SRGAP2: variants seen among roughly 807,000 people sequenced by gnomAD.
SRGAP2 encodes the protein SLIT-ROBO Rho GTPase activating protein 2.
In SRGAP2, 15 loss-of-function variants were observed where a neutral mutation model predicts 57.2. The observed-to-expected ratio is 0.26, with a 90% CI of 0.18 to 0.40. The LOEUF (loss-of-function observed/expected upper bound fraction) is 0.40. Among genes scored for constraint, SRGAP2 ranks in the 10% least tolerant of loss-of-function variants. SRGAP2 has a pLI of 1.00. For synonymous variants in SRGAP2, 249 were observed against 248.0 expected (o/e 1.00, Z -0.04); for missense variants, 520 against 669.6 (o/e 0.78, Z 2.47).
chr1:206,446,856 G>T (rs1483830029), intron 18 of SRGAP2, among the ~76,000 whole-genome samples: 1 of 152,198 alleles, frequency 6.6e-6, no homozygotes, highest in Admixed American at 6.5e-5. Context: ...ATTCCATTCT[G>T]TGGGGCCAGG....
chr1:206,231,391 T>A (rs1667629437), intron 2 of SRGAP2, among the ~76,000 whole-genome samples: 1 of 149,368 alleles, frequency 6.7e-6, no homozygotes, highest in Non-Finnish European at 1.5e-5. Context: ...CTAAGACTAC[T>A]AGATGCCAGT....
chr1:206,229,931 T>TACACACACACACACACACACAC (rs66901207), intron 2 of SRGAP2, among the ~76,000 whole-genome samples: 13 of 141,762 alleles, frequency 9.2e-5, no homozygotes, highest in African/African-American at 3.2e-4. Context: ...TACACATACA[T>TACACACACACACACACACACAC]ACACACACAC....
intron 2 of SRGAP2, among the ~76,000 whole-genome samples, chr1:206,222,575 C>CTA (rs1278402777): frequency 2.8e-5 from 4 of 141,324 alleles, no homozygotes; most frequent in African/African-American, 1.1e-4. Context: ...TGATGTGTAC[C>CTA]TATAGTCCCA....
At chr1:206,457,998 G>A (rs1663974943) in intron 21 of SRGAP2, among the ~76,000 whole-genome samples, 1 of 152,180 alleles carries the variant, frequency 6.6e-6, no homozygotes, top group Admixed American at 6.5e-5. Context: ...CAGATCCAGG[G>A]TTCAGCCCAG....
At position 206,372,775 on chromosome 1, in the gene SRGAP2, GTTGC is replaced by G. The variant is rs1288309943; in HGVS notation, c.424-11235_424-11232del. Among the ~76,000 whole-genome samples, 3 of 75,894 alleles carry G rather than the reference GTTGC, an allele frequency of 4.0e-5. No individual in the cohort carries two copies. The East Asian group carries it at 1.2e-3, about 31-fold the overall frequency. The allele number at this position is 75,894 out of a possible 152,430, so 49.8% of individuals were successfully genotyped here. On this transcript the variant is annotated intron_variant, in intron 4 of 22. Transcript: ENST00000573034. Reference sequence around the variant, plus strand: ...TTTAAAAAGCAAAACTAGAGTGTATGTTGCTTGTAAGAGAACAGATACACTTTAA... The same window carrying G: ...TTTAAAAAGCAAAACTAGAGTGTATGTTGTAAGAGAACAGATACACTTTAA...
intron 4 of SRGAP2, among the ~76,000 whole-genome samples, chr1:206,373,917 C>T (rs1654957640): frequency 6.6e-6 from 1 of 151,180 alleles, no homozygotes; most frequent in African/African-American, 2.4e-5. Flanking sequence ...AACAACTAGA[C>T]CAAAAAAGTC....
At chr1:206,453,974 G>A in intron 20 of SRGAP2, 1 of 618,226 alleles carries the variant, frequency 1.6e-6, no homozygotes, top group Non-Finnish European at 2.9e-6. Context: ...GTCCCAGAGA[G>A]ATCTCATCTG....
intron 3 of SRGAP2, among the ~76,000 whole-genome samples, chr1:206,314,097 TTTTTTTTG>T (rs1183833818): frequency 4.7e-5 from 6 of 126,452 alleles, no homozygotes; most frequent in African/African-American, 9.8e-5. Flanking sequence ...GGCTTTTTTG[TTTTTTTTG>T]TTTTTTTTTT....
chr1:206,210,403 C>CTTTTT (rs71568077), intron 2 of SRGAP2, among the ~76,000 whole-genome samples: 46 of 31,762 alleles, frequency 1.4e-3, no homozygotes, highest in Non-Finnish European at 2.2e-3. Flanking sequence ...GGGGTCTTGT[C>CTTTTT]TTTTTTTTTT....
At position 206,461,716 on chromosome 1, in the gene SRGAP2, G is replaced by C. The variant is rs567780448; in HGVS notation, c.*296G>C. ...TCAGGTCACTGTGAAATCTGGTAAG[G>C]CAGTCCTGAGGACATGGGCTCAAGT... is the stretch of plus-strand genomic sequence containing the variant. On this transcript the variant is annotated 3_prime_UTR_variant, in exon 23 of 23. Transcript: ENST00000573034. 3.0e-6 allele frequency: 1 copy of C among 337,150 alleles called. No homozygotes were observed. The highest frequency in any genetic ancestry group is 2.1e-5 in the African/African-American group (1 of 47,926). The allele number at this position is 337,150 out of a possible 1,614,324, so 20.9% of individuals were successfully genotyped here. A position where few individuals can be genotyped will look rare whatever the true frequency, so the allele number is the denominator to read the frequency against.
intron 2 of SRGAP2, among the ~76,000 whole-genome samples, chr1:206,289,853 A>G (rs1173677975): frequency 1.3e-5 from 2 of 152,056 alleles, no homozygotes; most frequent in African/African-American, 4.8e-5. Flanking sequence ...AGTTGCATAC[A>G]TAGGAAGTGC....
intron 2 of SRGAP2, among the ~76,000 whole-genome samples, chr1:206,268,081 A>ATATATT (rs1182456996): frequency 2.1e-5 from 3 of 145,238 alleles, no homozygotes; most frequent in African/African-American, 7.8e-5. Context: ...ATATATATAT[A>ATATATT]TTTTTTTTTT....
intron 10 of SRGAP2, among the ~76,000 whole-genome samples, chr1:206,410,354 A>G (rs1433639792): frequency 2.6e-5 from 4 of 152,226 alleles, no homozygotes; most frequent in East Asian, 3.8e-4. Context: ...TAGTTCATCA[A>G]TGTCTACTTT....
chr1:206,285,313 AT>A (rs1221335856), intron 2 of SRGAP2, among the ~76,000 whole-genome samples: 1 of 151,782 alleles, frequency 6.6e-6, no homozygotes, highest in Non-Finnish European at 1.5e-5. Flanking sequence ...TACAGGGGAG[AT>A]ACTGAGCTTG....
chr1:206,231,356 T>G (rs1306680882), intron 2 of SRGAP2, among the ~76,000 whole-genome samples: 2 of 148,096 alleles, frequency 1.4e-5, no homozygotes, highest in Non-Finnish European at 3.0e-5. Flanking sequence ...TTCCATTTGT[T>G]TCTTTACAAG....
rs1210927368 is a variant in SRGAP2, at chr1:206,333,195, A to G, written c.261-9651A>G. 5 of 490,172 alleles carry G rather than the reference A, an allele frequency of 1.0e-5. No individual in the cohort carries two copies. The East Asian group carries it at 1.9e-4, about 19-fold the overall frequency. 30.4% of individuals were successfully genotyped at this position (490,172 alleles called of 1,614,324 possible). ...AGATCTCCAGCTGCGTGCTGGGAGA[A>G]CCACTGCTCTCTTCAAAGCTCAGAT... On this transcript the variant is annotated intron_variant, in intron 3 of 22. Transcript: ENST00000573034.
chr1:206,253,544 C>A lies in SRGAP2; in HGVS notation c.67+47507C>A, dbSNP rs533685295. On this transcript the variant is annotated intron_variant, in intron 2 of 22. Coordinates refer to ENST00000573034, the MANE Select transcript of SRGAP2 (RefSeq NM_015326.5). ...CTCCCTCCCTCACTTCCTTCACTCT[C>A]TCTCTCTTTCTTTCTCTTTTCTTTC... is the stretch of plus-strand genomic sequence containing the variant. Among the ~76,000 whole-genome samples the A allele has an allele frequency of 7.6e-3, 1,135 of 150,316 alleles. 14 individuals are homozygous for A. Among genetic ancestry groups the A allele is most frequent in the African/African-American group, 0.024 (992 of 40,884 alleles).
At chr1:206,445,228 G>A (rs1662653084) in intron 17 of SRGAP2, among the ~76,000 whole-genome samples, 1 of 152,226 alleles carries the variant, frequency 6.6e-6, no homozygotes, top group Non-Finnish European at 1.5e-5. Flanking sequence ...TCAATGCCTG[G>A]ACGGGCAAGG....
intron 3 of SRGAP2, among the ~76,000 whole-genome samples, chr1:206,319,144 G>A (rs1673270988): frequency 6.6e-6 from 1 of 151,242 alleles, no homozygotes; most frequent in African/African-American, 2.5e-5. Flanking sequence ...GGGTGCGGTG[G>A]CTCACGCCTG....
Sources: gnomAD v4.1 joint callset for allele counts (sites outside exome capture counted in the v4.1 genomes callset) on GRCh38, gnomAD v4.1.1 for gene constraint, MANE v1.5 for transcripts, NCBI Gene and HGNC (gene_info 2026-07-23, HGNC 2026-07-21) for gene names.